MTHFSD: variants seen among roughly 807,000 people sequenced by gnomAD.
MTHFSD encodes methenyltetrahydrofolate synthase domain-containing protein.
Under a neutral mutation model 31.1 loss-of-function variants are expected in MTHFSD, and 37 were observed. That is an observed-to-expected ratio of 1.19 (90% CI 0.91 to 1.56). The LOEUF is 1.56. Among genes scored for constraint, MTHFSD ranks in the 40% most tolerant of loss-of-function variants. The probability of loss-of-function intolerance (pLI) is 0.00; values close to 1 mark genes in which losing one functional copy is unlikely to be tolerated. For missense variants in MTHFSD, 664 were observed against 510.1 expected (o/e 1.30, Z -2.91); for synonymous variants, 221 against 206.9 (o/e 1.07, Z -0.59).
At chr16:86,554,952 C>T (rs1052264040) in intron 1 of MTHFSD, 2 of 1,264,362 alleles carry the variant, frequency 1.6e-6, no homozygotes, top group East Asian at 2.6e-5. Flanking sequence ...CTCGTCTTCT[C>T]GTTATCTTTA....
rs1971722714 is a variant in MTHFSD, at chr16:86,542,906, C to A, written c.443-693G>T. ...CCTTCTGGCCCCCATGGAGAAGCTACAATTCCGCTTATGAGAAGCCTGAGG... is the reference window on the plus strand; with the variant it reads ...CCTTCTGGCCCCCATGGAGAAGCTAAAATTCCGCTTATGAGAAGCCTGAGG... On this transcript the variant is annotated intron_variant, in intron 5 of 7. Coordinates refer to ENST00000360900, the MANE Select transcript of MTHFSD (RefSeq NM_001159377.2). This position sits in a 1 kb window ranked among gnomAD's most constrained non-coding sequence, Gnocchi z 4.6. Among the ~76,000 whole-genome samples, 1 of 152,060 alleles carries A rather than the reference C, an allele frequency of 6.6e-6. No homozygotes were observed. Among genetic ancestry groups the A allele is most frequent in the Non-Finnish European group, 1.5e-5 (1 of 68,002 alleles).
At chr16:86,538,830 C>A (rs1194216149) in intron 7 of MTHFSD, among the ~76,000 whole-genome samples, 1 of 152,120 alleles carries the variant, frequency 6.6e-6, no homozygotes, top group Admixed American at 6.5e-5. Context: ...TTTCAGGGTA[C>A]GGTGACTGGG....
chr16:86,534,745 G>A lies in MTHFSD; in HGVS notation c.682-2264C>T, dbSNP rs554635421. ...ATGCATTTATCTGGAAGAACTGAAA[G>A]TTACTTGGCTCTGAGTACAGCACCA... On this transcript the variant is annotated intron_variant, in intron 7 of 7. Coordinates refer to ENST00000360900, the MANE Select transcript of MTHFSD (RefSeq NM_001159377.2). Among the ~76,000 whole-genome samples the A allele has an allele frequency of 5.9e-5, 9 of 151,870 alleles. 1 individual carries two copies. The highest frequency in any genetic ancestry group is 2.0e-4 in the Admixed American group (3 of 15,236).
At chr16:86,546,685 C>T in intron 4 of MTHFSD, 36 bp from the exon 5 acceptor site, 3 of 1,519,602 alleles carry the variant, frequency 2.0e-6, no homozygotes, top group Non-Finnish European at 2.7e-6. Flanking sequence ...AACTTCAACT[C>T]CAGCTGCTTC....
At chr16:86,534,425 G>A (rs79378483) in intron 7 of MTHFSD, among the ~76,000 whole-genome samples, 3,667 of 152,246 alleles carry the variant, frequency 0.024, 146 homozygotes, top group African/African-American at 0.083. Flanking sequence ...AACCCCAAGT[G>A]TGAAGCCTCG....
intron 4 of MTHFSD, chr16:86,548,144 C>T: frequency 7.7e-7 from 1 of 1,302,290 alleles, no homozygotes; most frequent in Non-Finnish European, 1.0e-6. Flanking sequence ...GAAAAAGCTC[C>T]ACAATACTGA....
chr16:86,539,192 G>A (rs373845403), intron 7 of MTHFSD, among the ~76,000 whole-genome samples: 3 of 152,278 alleles, frequency 2.0e-5, no homozygotes, highest in East Asian at 3.9e-4. Flanking sequence ...GGTCACAGGC[G>A]GTATGGAGCA....
intron 4 of MTHFSD, chr16:86,548,258 A>T (rs1972618481): frequency 1.1e-6 from 1 of 920,760 alleles, no homozygotes; most frequent in Non-Finnish European, 1.6e-6. Flanking sequence ...CAAAATAGAA[A>T]CTGAGTTACA....
chr16:86,552,012 G>GGCTCA, intron 3 of MTHFSD, 21 bp downstream of exon 3: 1 of 1,613,780 alleles, frequency 6.2e-7, no homozygotes, highest in Non-Finnish European at 8.5e-7. Flanking sequence ...GTCTCGGCTC[G>GGCTCA]GCTCAGGGAA....
intron 3 of MTHFSD, 107 bp from the exon 4 acceptor site, chr16:86,548,684 G>A (rs1009633622): frequency 1.5e-5 from 13 of 856,140 alleles, no homozygotes; most frequent in Admixed American, 6.4e-5. Flanking sequence ...ACTATTATCC[G>A]CATGGTTTTT....
At chr16:86,552,360 G>T in intron 2 of MTHFSD, 1 of 1,375,906 alleles carries the variant, frequency 7.3e-7, no homozygotes, top group Non-Finnish European at 9.8e-7. Flanking sequence ...AGCCCAAGCA[G>T]CTCGGCCCAG....
intron 2 of MTHFSD, chr16:86,553,518 CGGCTGGCCCTGGGCAGTGA>C (rs1163592091): frequency 6.6e-6 from 1 of 152,550 alleles, no homozygotes; most frequent in African/African-American, 2.4e-5. Flanking sequence ...GCACTCACAG[CGGCTGGCCCTGGGCAGTGA>C]GGGGCTTAGC....
At chr16:86,547,951 A>G in intron 4 of MTHFSD, 2 of 1,012,860 alleles carry the variant, frequency 2.0e-6, no homozygotes, top group South Asian at 1.4e-5. Context: ...AATGCACCCT[A>G]AAGTCATATT....
intron 4 of MTHFSD, 122 bp downstream of exon 4, chr16:86,548,342 C>G: frequency 2.1e-6 from 2 of 933,110 alleles, no homozygotes; most frequent in South Asian, 1.5e-5. Context: ...TTTAATATCT[C>G]TGTTCTTTTG....
chr16:86,544,164 C>T (rs144134794), intron 5 of MTHFSD, among the ~76,000 whole-genome samples: 9 of 151,486 alleles, frequency 5.9e-5, no homozygotes, highest in African/African-American at 1.4e-4. Context: ...ATCCTGAAAC[C>T]GTCCCCTCCC....
At chr16:86,554,772 T>A in intron 1 of MTHFSD, 21 bp from the exon 2 acceptor site, 1 of 1,585,882 alleles carries the variant, frequency 6.3e-7, no homozygotes, top group African/African-American at 1.3e-5. Flanking sequence ...AGATTCCCAC[T>A]TAATAACATA....
Position 86,532,187 on chromosome 16 carries a change from G to T in MTHFSD, c.976C>A (p.Leu326Met). The part of the protein sequence containing the change: ...DARVSDLKRA[L>M]RELGSVPLRL... ...AGGGGCACGGAGCCGAGTTCCCGCAGGGCTCTCTTCAGGTCACTCACACGG... is the reference window on the plus strand; with the variant it reads ...AGGGGCACGGAGCCGAGTTCCCGCATGGCTCTCTTCAGGTCACTCACACGG... The change falls in exon 8 of 8, where the codon CTG becomes ATG. Residue 326 changes from leucine (L) to methionine (M), a missense_variant. Leu to Met is a conservative substitution (Grantham distance 15, BLOSUM62 2). Transcript: ENST00000360900. 1 of 1,580,050 alleles carries T rather than the reference G, an allele frequency of 6.3e-7. No homozygotes were observed. The highest frequency in any genetic ancestry group is 1.2e-5 in the South Asian group (1 of 86,942).
intron 7 of MTHFSD, among the ~76,000 whole-genome samples, chr16:86,539,756 A>C (rs1027655003): frequency 6.6e-6 from 1 of 152,320 alleles, no homozygotes; most frequent in South Asian, 2.1e-4. Context: ...AACTACTGGA[A>C]AGGTGGAACA....
intron 7 of MTHFSD, chr16:86,533,735 C>T (rs1314025155): frequency 2.6e-5 from 4 of 152,102 alleles, no homozygotes; most frequent in East Asian, 1.9e-4. Context: ...TTCCCAGGGT[C>T]GATAAAGACT....
Sources: gnomAD v4.1 joint callset for allele counts (sites outside exome capture counted in the v4.1 genomes callset) on GRCh38, gnomAD v4.1.1 for gene constraint, Gnocchi (gnomAD v3.1) non-coding constraint, MANE v1.5 for transcripts, NCBI Gene and HGNC (gene_info 2026-07-23, HGNC 2026-07-21) for gene names.